FUT8: variants seen among roughly 807,000 people sequenced by gnomAD.
FUT8 encodes alpha-(1,6)-fucosyltransferase.
A neutral mutation model predicts 71.3 loss-of-function variants in FUT8; 29 were observed. The ratio of observed to expected loss-of-function variants is 0.41; its 90% CI spans 0.30 to 0.55. The LOEUF (loss-of-function observed/expected upper bound fraction) is 0.55. FUT8 is among the 20% of genes least tolerant of loss of function. FUT8 has a pLI of 0.34. For missense variants in FUT8, 544 were observed against 702.1 expected, an observed-to-expected ratio of 0.77 and a Z score of 2.55; for synonymous variants, 254 against 239.3, an observed-to-expected ratio of 1.06 and a Z score of -0.57.
chr14:65,399,143 C>T, the FUT8 span, among the ~76,000 whole-genome samples: 3 of 151,982 alleles, frequency 2.0e-5, no homozygotes, highest in African/African-American at 7.3e-5. Flanking sequence ...GTGGTGAAAC[C>T]CCGTCTCTAG....
At chr14:65,391,103 G>A in the FUT8 span, among the ~76,000 whole-genome samples, 6 of 152,252 alleles carry the variant, frequency 3.9e-5, no homozygotes, top group East Asian at 1.2e-3. Flanking sequence ...GAACATGAGG[G>A]AAAGAACAAG....
upstream of FUT8, among the ~76,000 whole-genome samples, chr14:65,407,838 TC>T (rs1278721125): frequency 6.6e-6 from 1 of 152,202 alleles, no homozygotes; most frequent in Non-Finnish European, 1.5e-5. Context: ...TAGGTTGACT[TC>T]ATTTTCAGGT....
At chr14:65,721,150 G>A (rs1367477254) in intron 7 of FUT8, among the ~76,000 whole-genome samples, 2 of 151,646 alleles carry the variant, frequency 1.3e-5, no homozygotes, top group Non-Finnish European at 1.5e-5. Flanking sequence ...GCTTTTTTGT[G>A]TAGATAGTTG....
At chr14:65,593,308 C>G (rs1887790144) in intron 3 of FUT8, among the ~76,000 whole-genome samples, 1 of 152,112 alleles carries the variant, frequency 6.6e-6, no homozygotes, top group South Asian at 2.1e-4. Flanking sequence ...AATAATATAA[C>G]TTAAATGAAT....
the FUT8 span, among the ~76,000 whole-genome samples, chr14:65,403,731 G>A: frequency 9.8e-6 from 1 of 102,288 alleles, no homozygotes; most frequent in African/African-American, 3.6e-5. Context: ...CATACTGATA[G>A]TGGTTAATTT....
At position 65,575,646 on chromosome 14, in the gene FUT8, T is replaced by A. The variant is rs1477605675; in HGVS notation, c.203+13880T>A. Among the ~76,000 whole-genome samples the A allele has an allele frequency of 2.1e-5, 3 of 142,222 alleles. No homozygotes were observed. The Admixed American group carries it at 2.2e-4, about 11-fold the overall frequency. 93.3% of individuals were successfully genotyped at this position (142,222 alleles called of 152,430 possible). A position where few individuals can be genotyped will look rare whatever the true frequency, so the allele number is the denominator to read the frequency against. ...TCCTCTTTTTTTTTTTCCCCCACAC[T>A]CTTGCTCTGTCCCCCAGACTGGAGT... On this transcript the variant is annotated intron_variant, in intron 3 of 10. Transcript: ENST00000673929.
intron 2 of FUT8, among the ~76,000 whole-genome samples, chr14:65,524,167 A>G (rs1268451596): frequency 3.3e-5 from 5 of 152,194 alleles, no homozygotes; most frequent in Admixed American, 3.3e-4. Flanking sequence ...CTTGGGCAGT[A>G]TGGCCATTTT....
intron 1 of FUT8, among the ~76,000 whole-genome samples, chr14:65,418,696 T>A (rs1203395466): frequency 1.3e-5 from 2 of 151,986 alleles, no homozygotes; most frequent in African/African-American, 4.8e-5. Context: ...ATTCAGTTTT[T>A]CTCTTTCCCT....
chr14:65,504,608 G>A (rs1005924894), intron 2 of FUT8, among the ~76,000 whole-genome samples: 4 of 152,142 alleles, frequency 2.6e-5, no homozygotes, highest in African/African-American at 9.7e-5. Flanking sequence ...TAGAAGCCAG[G>A]AACCTGTTCT....
At chr14:65,623,359 T>C (rs1326675881) in intron 5 of FUT8, among the ~76,000 whole-genome samples, 1 of 152,020 alleles carries the variant, frequency 6.6e-6, no homozygotes, top group Non-Finnish European at 1.5e-5. Context: ...ACATAAAACA[T>C]AACCAATTTT....
chr14:65,629,981 G>A (rs1400362568), intron 6 of FUT8, among the ~76,000 whole-genome samples: 1 of 152,148 alleles, frequency 6.6e-6, no homozygotes, highest in African/African-American at 2.4e-5. Context: ...GAAGTAAACT[G>A]TAAAAGATAG....
intron 9 of FUT8, among the ~76,000 whole-genome samples, chr14:65,732,222 T>G (rs1249037260): frequency 6.6e-6 from 1 of 152,186 alleles, no homozygotes; most frequent in Non-Finnish European, 1.5e-5. Flanking sequence ...TTACAATCAT[T>G]ATTACAGAGG....
At chr14:65,391,866 C>T in the FUT8 span, among the ~76,000 whole-genome samples, 2 of 152,162 alleles carry the variant, frequency 1.3e-5, no homozygotes. Context: ...AAGTGATCCA[C>T]CCGCCTCAGC....
chr14:65,358,835 A>G, the FUT8 span, among the ~76,000 whole-genome samples: 3 of 152,074 alleles, frequency 2.0e-5, no homozygotes, highest in East Asian at 3.9e-4. Flanking sequence ...CTATTATTTT[A>G]CTGTTTGGTG....
intron 9 of FUT8, among the ~76,000 whole-genome samples, chr14:65,732,580 GCAAGACTAC>G (rs1307543457): frequency 1.3e-5 from 2 of 152,044 alleles, no homozygotes; most frequent in African/African-American, 4.8e-5. Context: ...ACTATCTCTA[GCAAGACTAC>G]CAAAATATTA....
chr14:65,714,442 T>C (rs1277602100), intron 7 of FUT8, among the ~76,000 whole-genome samples: 1 of 150,814 alleles, frequency 6.6e-6, no homozygotes, highest in Non-Finnish European at 1.5e-5. Context: ...TTTATTTATT[T>C]ATTTATTTAT....
At chr14:65,623,175 G>A (rs1329293828) in intron 5 of FUT8, among the ~76,000 whole-genome samples, 2 of 152,128 alleles carry the variant, frequency 1.3e-5, no homozygotes, top group Non-Finnish European at 2.9e-5. Flanking sequence ...ATAGGCGTGA[G>A]CCACCACGCC....
At chr14:65,500,150 T>C (rs1316785475) in intron 2 of FUT8, among the ~76,000 whole-genome samples, 1 of 152,194 alleles carries the variant, frequency 6.6e-6, no homozygotes, top group Non-Finnish European at 1.5e-5. Flanking sequence ...CAAGCTCCTG[T>C]TGGTAATCTG....
chr14:65,395,688 G>C, the FUT8 span, among the ~76,000 whole-genome samples: 1 of 152,230 alleles, frequency 6.6e-6, no homozygotes, highest in African/African-American at 2.4e-5. Context: ...AGGCCTCTGG[G>C]CCTGTGATGG....
Sources: allele counts gnomAD v4.1 joint callset (sites outside exome capture counted in the v4.1 genomes callset), GRCh38; gene constraint gnomAD v4.1.1; transcripts MANE v1.5; gene names NCBI Gene and HGNC (gene_info 2026-07-23, HGNC 2026-07-21).